SCARA5: variants seen among roughly 807,000 people sequenced by gnomAD.
SCARA5 encodes scavenger receptor class A, member 5 (putative).
In SCARA5, 45 loss-of-function variants were observed where a neutral mutation model predicts 46.3. The ratio of observed to expected loss-of-function variants is 0.97; its 90% CI spans 0.76 to 1.24. The LOEUF is 1.24. SCARA5 is among the 50% of genes most tolerant of loss of function. The pLI, the probability that SCARA5 is intolerant of heterozygous loss-of-function variation, is 0.00. For missense variants in SCARA5, 680 were observed against 689.0 expected, an observed-to-expected ratio of 0.99 and a Z score of 0.15; for synonymous variants, 333 against 306.5, an observed-to-expected ratio of 1.09 and a Z score of -0.90.
At chr8:27,909,334 G>T (rs1807327698) in intron 5 of SCARA5, among the ~76,000 whole-genome samples, 2 of 152,272 alleles carry the variant, frequency 1.3e-5, no homozygotes, top group South Asian at 4.2e-4. Context: ...CATCTTCAAA[G>T]GGTTGGTCTG....
chr8:27,880,143 T>C (rs10094654), intron 7 of SCARA5, among the ~76,000 whole-genome samples: 1 of 62,418 alleles, frequency 1.6e-5, no homozygotes, highest in African/African-American at 6.4e-5. Flanking sequence ...GCTAGCCGTA[T>C]GCAGAAGAAT....
chr8:27,966,927 A>C lies in SCARA5; in HGVS notation c.113-385T>G, dbSNP rs562532650. The stretch of plus-strand genomic sequence containing the variant: ...AAAGAGAAATTAAAACAGGAGTTGC[A>C]AACTCAAACTTCTACAGTGGCTGGG... On this transcript the variant is annotated intron_variant, in intron 2 of 8. Transcript: ENST00000354914. 2.6e-5 allele frequency among the ~76,000 whole-genome samples: 4 copies of C among 152,356 alleles called. No individual in the cohort carries two copies. The South Asian group carries it at 8.3e-4, about 32-fold the overall frequency.
At chr8:27,971,887 A>G (rs192910793) in intron 2 of SCARA5, among the ~76,000 whole-genome samples, 1 of 152,224 alleles carries the variant, frequency 6.6e-6, no homozygotes, top group East Asian at 1.9e-4. Context: ...AGCCTGCACA[A>G]TCTTGCCATA....
chr8:27,917,330 G>C (rs976246891), intron 4 of SCARA5, among the ~76,000 whole-genome samples: 2 of 152,202 alleles, frequency 1.3e-5, no homozygotes, highest in Non-Finnish European at 2.9e-5. Flanking sequence ...GCAAATGAGT[G>C]ACCCAGGGCA....
At position 27,924,079 on chromosome 8, in the gene SCARA5, T is replaced by C. The variant is rs1807644256; in HGVS notation, c.242-1834A>G. ...GTGGACTGTTCTGACTCAGGTATGCTACAAATCCTGAGTGGGGATGTCTAG... is the reference window on the plus strand; with the variant it reads ...GTGGACTGTTCTGACTCAGGTATGCCACAAATCCTGAGTGGGGATGTCTAG... On this transcript the variant is annotated intron_variant, in intron 3 of 8. Coordinates refer to ENST00000354914, the MANE Select transcript of SCARA5 (RefSeq NM_173833.6). 1.3e-5 allele frequency among the ~76,000 whole-genome samples: 2 copies of C among 152,184 alleles called. 1 individual carries two copies. Among genetic ancestry groups the C allele is most frequent in the Admixed American group, 1.3e-4 (2 of 15,272 alleles).
intron 3 of SCARA5, among the ~76,000 whole-genome samples, 182 bp downstream of exon 3, chr8:27,966,232 C>A (rs1322931352): frequency 6.6e-6 from 1 of 152,180 alleles, no homozygotes; most frequent in Non-Finnish European, 1.5e-5. Flanking sequence ...GCTCACATAG[C>A]CCCTGCCAGC....
intron 3 of SCARA5, among the ~76,000 whole-genome samples, chr8:27,942,270 T>G (rs12544446): frequency 2.6e-5 from 4 of 151,914 alleles, no homozygotes; most frequent in Admixed American, 6.6e-5. Flanking sequence ...CTCCTCCCTA[T>G]GATTGTGACT....
chr8:27,959,771 G>C (rs1179384926), intron 3 of SCARA5, among the ~76,000 whole-genome samples: 1 of 152,168 alleles, frequency 6.6e-6, no homozygotes, highest in African/African-American at 2.4e-5. Context: ...GTTGTTTTTT[G>C]GGAAAAGCAC....
chr8:27,921,724 C>T lies in SCARA5; in HGVS notation c.763G>A (p.Ala255Thr), dbSNP rs1294924817. The T allele has an allele frequency of 5.7e-6, 9 of 1,592,630 alleles. No individual in the cohort carries two copies. The highest frequency in any genetic ancestry group is 1.8e-5 in the Admixed American group (1 of 57,004). ...LQDLRVLVSN[A>T]SEDTRRLRLA... ...CGCAGGCGGCGCGTGTCCTCGCTGG[C>T]GTTGCTCACCAGCACCCGCAGGTCC... Residue 255 changes from alanine (A) to threonine (T), a missense_variant, in exon 4 of 9, where the codon GCC becomes ACC. Around this residue, in one of 3 missense-constraint regions of SCARA5, gnomAD observed 438 missense variants for 384.5 expected, o/e 1.14. Transcript: ENST00000354914.
chr8:27,978,849 G>A (rs897238204), intron 2 of SCARA5, among the ~76,000 whole-genome samples: 4 of 151,882 alleles, frequency 2.6e-5, no homozygotes, highest in African/African-American at 4.8e-5. Context: ...TCTGACTCTG[G>A]GGTGCCCCAG....
At position 27,870,099 on chromosome 8, in the gene SCARA5, T is replaced by A. The variant is rs988490887; in HGVS notation, c.*1835A>T. 6.6e-6 allele frequency: 1 copy of A among 152,070 alleles called. No homozygotes were observed. Among genetic ancestry groups the A allele is most frequent in the African/African-American group, 2.4e-5 (1 of 41,410 alleles). 9.4% of individuals were successfully genotyped at this position (152,070 alleles called of 1,614,324 possible). ...TGTAAAACAAGACTTATGTTGTCCC[T>A]AATGGAAAGACCAAGTAAGAGAGTT... is the stretch of plus-strand genomic sequence containing the variant. On this transcript the variant is annotated 3_prime_UTR_variant, in exon 9 of 9. Transcript: ENST00000354914.
At chr8:27,965,286 G>T (rs1178462178) in intron 3 of SCARA5, among the ~76,000 whole-genome samples, 2 of 152,196 alleles carry the variant, frequency 1.3e-5, no homozygotes, top group Non-Finnish European at 2.9e-5. Context: ...AAAATTTCCA[G>T]CAAAAGGTCA....
intron 4 of SCARA5, among the ~76,000 whole-genome samples, chr8:27,916,752 C>T (rs1385187365): frequency 6.6e-6 from 1 of 152,116 alleles, no homozygotes; most frequent in Non-Finnish European, 1.5e-5. Flanking sequence ...AGGAAAGACC[C>T]TAGATGCAGT....
At chr8:27,885,747 G>A (rs1028855767) in intron 7 of SCARA5, among the ~76,000 whole-genome samples, 2 of 152,178 alleles carry the variant, frequency 1.3e-5, no homozygotes, top group African/African-American at 4.8e-5. Flanking sequence ...CCAGAGCTCA[G>A]GCTGTTACAA....
At chr8:27,950,916 A>G (rs1335283933) in intron 3 of SCARA5, among the ~76,000 whole-genome samples, 1 of 151,100 alleles carries the variant, frequency 6.6e-6, no homozygotes, top group African/African-American at 2.4e-5. Flanking sequence ...TAAGCCATTT[A>G]TTCCACAGAC....
intron 6 of SCARA5, among the ~76,000 whole-genome samples, chr8:27,905,700 CT>C (rs869030379): frequency 1.9e-4 from 13 of 66,762 alleles, no homozygotes; most frequent in Admixed American, 1.1e-3. Context: ...ATTTTCTTTT[CT>C]TTTCTTTTTT....
At chr8:27,896,643 G>A (rs1455452089) in intron 7 of SCARA5, among the ~76,000 whole-genome samples, 3 of 152,078 alleles carry the variant, frequency 2.0e-5, no homozygotes, top group Non-Finnish European at 4.4e-5. Flanking sequence ...GGGGGACCCA[G>A]GCACCATGAC....
At chr8:27,875,207 C>T (rs1349863847) in intron 8 of SCARA5, among the ~76,000 whole-genome samples, 3 of 94,706 alleles carry the variant, frequency 3.2e-5, no homozygotes, top group East Asian at 2.1e-4. Flanking sequence ...TCACTCCTCC[C>T]TCCCTCCCTC....
intron 6 of SCARA5, among the ~76,000 whole-genome samples, chr8:27,905,252 G>C (rs969689327): frequency 6.6e-6 from 1 of 152,042 alleles, no homozygotes; most frequent in African/African-American, 2.4e-5. Flanking sequence ...TTGTGGGAGA[G>C]ACCATAAAAC....
Sources: gnomAD v4.1 joint callset for allele counts (sites outside exome capture counted in the v4.1 genomes callset) on GRCh38, gnomAD v4.1.1 for gene constraint, gnomAD v4.1.1 regional missense constraint, MANE v1.5 for transcripts, NCBI Gene and HGNC (gene_info 2026-07-23, HGNC 2026-07-21) for gene names.